ZNF284: variants seen among roughly 807,000 people sequenced by gnomAD.
The protein encoded by ZNF284 is zinc finger protein 284.
Under a neutral mutation model 12.9 loss-of-function variants are expected in ZNF284, and 12 were observed. The observed-to-expected ratio is 0.93, with a 90% CI of 0.60 to 1.51. ZNF284 has a LOEUF of 1.51. Ranked by LOEUF, ZNF284 falls within the 40% of genes most tolerant of loss-of-function variation. The probability of loss-of-function intolerance (pLI) is 0.00; values close to 1 mark genes in which losing one functional copy is unlikely to be tolerated. For missense variants in ZNF284, 667 were observed against 707.3 expected (o/e 0.94, Z 0.65); for synonymous variants, 225 against 236.5 (o/e 0.95, Z 0.45).
intron 1 of ZNF284, 26 bp from the exon 2 acceptor site, chr19:44,076,296 T>C (rs1412373483): frequency 2.2e-6 from 3 of 1,333,682 alleles, no homozygotes; most frequent in South Asian, 2.6e-5. Context: ...TCTTTTTTTT[T>C]TTTTGCCTTC....
chr19:44,083,493 AG>A (rs1967167044), intron 4 of ZNF284, among the ~76,000 whole-genome samples: 1 of 96,336 alleles, frequency 1.0e-5, no homozygotes, highest in Non-Finnish European at 2.3e-5. Context: ...AGAGAGAGAG[AG>A]AGAGAGAGGG....
chr19:44,076,533 GCTTC>G (rs1967030126), intron 2 of ZNF284, 129 bp downstream of exon 2: 4 of 892,142 alleles, frequency 4.5e-6, no homozygotes, highest in Non-Finnish European at 6.7e-6. Flanking sequence ...TGTGCCAGAT[GCTTC>G]CTTGTTTCTT....
intron 4 of ZNF284, among the ~76,000 whole-genome samples, chr19:44,084,186 G>A (rs930981461): frequency 5.9e-5 from 9 of 152,140 alleles, no homozygotes; most frequent in African/African-American, 2.2e-4. Context: ...TGGAAGAGGC[G>A]GCGTGATCCC....
intron 4 of ZNF284, 103 bp downstream of exon 4, chr19:44,082,208 T>A (rs1484632600): frequency 5.9e-6 from 5 of 851,496 alleles, no homozygotes; most frequent in African/African-American, 1.7e-5. Context: ...GCCAAACCTG[T>A]TTCCTGGATT....
In ZNF284 at chr19:44,086,312, A is replaced by G. The variant is rs1342207497; in HGVS notation, c.834A>G (p.Gln278=). The G allele has an allele frequency of 8.1e-6, 13 of 1,614,048 alleles. No individual in the cohort carries two copies. Among genetic ancestry groups the G allele is most frequent in the East Asian group, 2.2e-5 (1 of 44,882 alleles). ...FIHNSQLREH[Q]RIHTGEKPFK... ...ACAATTCCCAGCTTCGGGAACATCA[A>G]AGAATCCATACTGGGGAGAAGCCAT... The change falls in exon 5 of 5, where the codon CAA becomes CAG. Residue 278 remains glutamine (Q), a synonymous_variant. Transcript: ENST00000421176.
chr19:44,076,258 G>T, intron 1 of ZNF284, 64 bp from the exon 2 acceptor site: 1 of 798,990 alleles, frequency 1.3e-6, no homozygotes, highest in Non-Finnish European at 2.1e-6. Flanking sequence ...ATACTGTTGG[G>T]TGGCATCACT....
Position 44,086,719 on chromosome 19 carries a change from G to T in ZNF284, c.1241G>T (p.Gly414Val). 6.2e-7 allele frequency: 1 copy of T among 1,614,002 alleles called. No individual in the cohort carries two copies. The highest frequency in any genetic ancestry group is 8.5e-7 in the Non-Finnish European group (1 of 1,179,962). ...AAGAGATTTTATATGAATTCACAGG[G>T]CCATTCACATCAGAGAGCCTATAGA... ...CGKRFYMNSQ[G>V]HSHQRAYREE... Residue 414 changes from glycine to valine, a missense_variant, in exon 5 of 5, where the codon GGC becomes GTC. Gly to Val is a moderately radical substitution (Grantham distance 109, BLOSUM62 -3). Transcript: ENST00000421176.
At chr19:44,081,609 G>A (rs1327427734) in intron 3 of ZNF284, among the ~76,000 whole-genome samples, 1 of 152,140 alleles carries the variant, frequency 6.6e-6, no homozygotes, top group Admixed American at 6.5e-5. Context: ...CTACTCAGGA[G>A]GCTGAGGCGG....
intron 4 of ZNF284, among the ~76,000 whole-genome samples, 166 bp from the exon 5 acceptor site, chr19:44,085,547 CA>C (rs1374046283): frequency 2.6e-5 from 4 of 152,122 alleles, no homozygotes; most frequent in Non-Finnish European, 5.9e-5. Context: ...GACATTATGT[CA>C]TTCAAAATTG....
chr19:44,086,171 C>T lies in ZNF284; in HGVS notation c.693C>T (p.Phe231=). 1 of 1,614,140 alleles carries T rather than the reference C, an allele frequency of 6.2e-7. No individual in the cohort carries two copies. Among genetic ancestry groups the T allele is most frequent in the Non-Finnish European group, 8.5e-7 (1 of 1,180,020 alleles). Residue 231 remains phenylalanine, a synonymous_variant, in exon 5 of 5, where the codon TTC becomes TTT. Coordinates refer to ENST00000421176, the MANE Select transcript of ZNF284 (RefSeq NM_001037813.4). ...GAATCCACACTGGAGAGAAACCATT[C>T]AAATGTGAGCAGTGTGGGAAAAGTT... The part of the protein sequence containing the change: ...HQRIHTGEKP[F]KCEQCGKSFS...
intron 2 of ZNF284, among the ~76,000 whole-genome samples, chr19:44,080,529 T>A (rs1599878528): frequency 6.6e-6 from 1 of 152,068 alleles, no homozygotes; most frequent in Non-Finnish European, 1.5e-5. Context: ...GGGGTTGCAG[T>A]GAGCTGAAAT....
intron 3 of ZNF284, among the ~76,000 whole-genome samples, chr19:44,081,715 A>AAAAAACAAAAAC (rs549068237): frequency 7.4e-4 from 112 of 152,230 alleles, no homozygotes; most frequent in Non-Finnish European, 1.4e-3. Flanking sequence ...CCGTCTCAAA[A>AAAAAACAAAAAC]AAAAACAAAA....
rs554098008 is a variant in ZNF284 at position 44,084,658 on chromosome 19, G to T, written c.236-1056G>T. ...TCACGGCCCATTCCCTAGAGTATGG[G>T]ACACTATGTGGCCTAGATTGCTGGG... On this transcript the variant is annotated intron_variant, in intron 4 of 4. Coordinates refer to ENST00000421176, the MANE Select transcript of ZNF284 (RefSeq NM_001037813.4). 1.0e-3 allele frequency among the ~76,000 whole-genome samples: 154 copies of T among 152,256 alleles called. 1 individual carries two copies. Among genetic ancestry groups the T allele is most frequent in the African/African-American group, 3.4e-3 (141 of 41,550 alleles).
chr19:44,083,028 A>G (rs892514631), intron 4 of ZNF284, among the ~76,000 whole-genome samples: 17 of 152,140 alleles, frequency 1.1e-4, no homozygotes, highest in African/African-American at 3.9e-4. Flanking sequence ...GAGTTTATAT[A>G]TGCTCTTCTT....
intron 4 of ZNF284, among the ~76,000 whole-genome samples, chr19:44,083,444 T>G (rs536425038): frequency 9.3e-5 from 6 of 64,362 alleles, no homozygotes; most frequent in African/African-American, 2.4e-4. Context: ...AAAAAATAAA[T>G]AAAGAAATAT....
chr19:44,074,015 A>G (rs1966990593), intron 1 of ZNF284, among the ~76,000 whole-genome samples: 1 of 152,058 alleles, frequency 6.6e-6, no homozygotes, highest in African/African-American at 2.4e-5. Flanking sequence ...TATCATGCTC[A>G]TCCTAATTTA....
chr19:44,076,967 T>G lies in ZNF284; in HGVS notation c.15+563T>G, dbSNP rs536464282. Among the ~76,000 whole-genome samples the G allele has an allele frequency of 1.1e-3, 162 of 151,960 alleles. 1 individual carries two copies. The South Asian group carries it at 0.017, about 16-fold the overall frequency. On this transcript the variant is annotated intron_variant, in intron 2 of 4. Transcript: ENST00000421176. ...CTCAAGTAGCTGGGATTACAGGCGC[T>G]CACCACCACACTTGGCTAATATATG...
In ZNF284 at chr19:44,085,864, TCCCCTCCCAGG is replaced by T; in HGVS notation, c.387_397del (p.Pro130Ter). ...TCTCAGTTCTCCACACAAGGTGATG[TCCCCTCCCAGG>T]TTGACGCAGGACTATCTATAATTCA... is the stretch of plus-strand genomic sequence containing the variant. On this transcript the variant is annotated frameshift_variant, in exon 5 of 5. Coordinates refer to ENST00000421176, the MANE Select transcript of ZNF284 (RefSeq NM_001037813.4). LOFTEE classifies it low-confidence loss of function (END_TRUNC). 6.2e-7 allele frequency: 1 copy of T among 1,614,112 alleles called. No individual in the cohort carries two copies. Among genetic ancestry groups the T allele is most frequent in the East Asian group, 2.2e-5 (1 of 44,878 alleles).
At chr19:44,083,372 T>C (rs1967157110) in intron 4 of ZNF284, among the ~76,000 whole-genome samples, 1 of 150,542 alleles carries the variant, frequency 6.6e-6, no homozygotes, top group Non-Finnish European at 1.5e-5. Context: ...AGCCAGAGGT[T>C]GTAGTGAGCT....
Sources: allele counts gnomAD v4.1 joint callset (sites outside exome capture counted in the v4.1 genomes callset), GRCh38; gene constraint gnomAD v4.1.1; transcripts MANE v1.5; gene names NCBI Gene and HGNC (gene_info 2026-07-23, HGNC 2026-07-21).